The following TF variants were observed in gnomAD, a reference collection of about 807,000 sequenced individuals.
TF encodes the protein transferrin, also known as serotransferrin.
TF carries 55 observed loss-of-function variants against 82.4 expected under a neutral mutation model. The observed-to-expected ratio is 0.67, with a 90% CI of 0.54 to 0.84. TF has a LOEUF of 0.84. Among genes scored for constraint, TF ranks in the 40% least tolerant of loss-of-function variants. TF has a pLI of 0.00. For missense variants in TF, 737 were observed against 868.4 expected, an observed-to-expected ratio of 0.85 and a Z score of 1.90; for synonymous variants, 332 against 332.6, an observed-to-expected ratio of 1.00 and a Z score of 0.02.
In TF at chr3:133,756,327, G is replaced by C. The variant is rs370152575; in HGVS notation, c.681G>C (p.Ser227=). Residue 227 remains serine (S), a synonymous_variant, in exon 6 of 17, where the codon TCG becomes TCC. Transcript: ENST00000402696. Reference sequence around the variant, plus strand: ...GGGATGTGGCCTTTGTCAAGCACTCGACTATATTTGGTAAGAATGGGACAA... The same window carrying C: ...GGGATGTGGCCTTTGTCAAGCACTCCACTATATTTGGTAAGAATGGGACAA... ...GAGDVAFVKH[S]TIFENLANKA... 1.2e-6 allele frequency: 2 copies of C among 1,613,924 alleles called. No individual in the cohort carries two copies. Among genetic ancestry groups the C allele is most frequent in the African/African-American group, 2.7e-5 (2 of 74,900 alleles).
rs1934783448 is a variant in TF, at chr3:133,789,851, C to T, written c.*11231C>T. 4 of 146,798 alleles carry T rather than the reference C, an allele frequency of 2.7e-5. No homozygotes were observed. Among genetic ancestry groups the T allele is most frequent in the Non-Finnish European group, 5.9e-5 (4 of 67,376 alleles). The allele number at this position is 146,798 out of a possible 1,614,324, so 9.1% of individuals were successfully genotyped here. A position where few individuals can be genotyped will look rare whatever the true frequency, so the allele number is the denominator to read the frequency against. ...CATAGAAGGTTATAAAACTATAAAC[C>T]CAGCCAAAACAAAACGATCTCGTTT... is the stretch of plus-strand genomic sequence containing the variant. On this transcript the variant is annotated 3_prime_UTR_variant, in exon 17 of 17. Coordinates refer to ENST00000402696, the MANE Select transcript of TF (RefSeq NM_001063.4).
the TF span, among the ~76,000 whole-genome samples, chr3:133,666,990 C>T: frequency 2.0e-5 from 3 of 151,330 alleles, no homozygotes; most frequent in Non-Finnish European, 2.9e-5. Context: ...GAGCTGAGAT[C>T]GTGCCACTGC....
chr3:133,792,986 A>T lies in TF; in HGVS notation c.*14366A>T, dbSNP rs959241427. The stretch of plus-strand genomic sequence containing the variant: ...AAAAGGTTTATGAGAATCTCACCTT[A>T]TGGTCAAACGGATTAAGATTGGAAA... On this transcript the variant is annotated 3_prime_UTR_variant, in exon 17 of 17. Transcript: ENST00000402696. The T allele has an allele frequency of 6.6e-6, 1 of 152,202 alleles. No individual in the cohort carries two copies. The highest frequency in any genetic ancestry group is 1.5e-5 in the Non-Finnish European group (1 of 68,020). 9.4% of individuals were successfully genotyped at this position (152,202 alleles called of 1,614,324 possible).
the TF span, among the ~76,000 whole-genome samples, chr3:133,721,864 T>A: frequency 6.6e-6 from 1 of 152,136 alleles, no homozygotes; most frequent in Non-Finnish European, 1.5e-5. Flanking sequence ...TTGTCTCTTT[T>A]TATAGGTTGT....
chr3:133,772,650 TG>T (rs1934288781), intron 14 of TF: 1 of 152,224 alleles, frequency 6.6e-6, no homozygotes. Flanking sequence ...CTATACTCCC[TG>T]CCCATCAGGC....
At chr3:133,683,677 T>G in the TF span, among the ~76,000 whole-genome samples, 1 of 152,138 alleles carries the variant, frequency 6.6e-6, no homozygotes, top group South Asian at 2.1e-4. Flanking sequence ...ACACACCCAA[T>G]ACAGGAGCAC....
chr3:133,683,389 A>G, the TF span, among the ~76,000 whole-genome samples: 1 of 152,248 alleles, frequency 6.6e-6, no homozygotes. Context: ...AAATGCTCCA[A>G]TTAAAAGACA....
the TF span, among the ~76,000 whole-genome samples, chr3:133,695,845 C>G: frequency 6.6e-6 from 1 of 152,150 alleles, no homozygotes; most frequent in African/African-American, 2.4e-5. Flanking sequence ...TGGATCTGAT[C>G]ACTGAGAAGG....
In TF at chr3:133,754,601, C is replaced by T. The variant is rs41298987; in HGVS notation, c.432C>T (p.Ser144=). Residue 144 remains serine (S), a synonymous_variant, in exon 4 of 17, where the codon TCC becomes TCT. Coordinates refer to ENST00000402696, the MANE Select transcript of TF (RefSeq NM_001063.4). ...KKSCHTGLGR[S]AGWNIPIGLL... is the part of the protein sequence containing the mutation. ...CCTGCCACACGGGTCTAGGCAGGTCCGCTGGGTGGAACATCCCCATAGGCT... is the reference window on the plus strand; with the variant it reads ...CCTGCCACACGGGTCTAGGCAGGTCTGCTGGGTGGAACATCCCCATAGGCT... 3,149 of 1,614,178 alleles carry T rather than the reference C, an allele frequency of 2.0e-3. 57 individuals are homozygous for T. The African/African-American group carries it at 0.035, about 18-fold the overall frequency.
the TF span, among the ~76,000 whole-genome samples, chr3:133,739,151 A>G: frequency 6.6e-6 from 1 of 152,208 alleles, no homozygotes; most frequent in Non-Finnish European, 1.5e-5. Context: ...GGCCTCAAAA[A>G]ATAACGCCAC....
At chr3:133,740,575 C>T in the TF span, among the ~76,000 whole-genome samples, 12 of 152,138 alleles carry the variant, frequency 7.9e-5, no homozygotes, top group African/African-American at 2.7e-4. Flanking sequence ...AAGTGATCCT[C>T]CCGCCTTGGC....
intron 15 of TF, among the ~76,000 whole-genome samples, chr3:133,776,414 G>A (rs2107935077): frequency 6.6e-6 from 1 of 152,264 alleles, no homozygotes; most frequent in Middle Eastern, 3.4e-3. Flanking sequence ...ATAGCTGCCT[G>A]CTGTTGATTC....
At chr3:133,776,371 C>G (rs1012870244) in intron 15 of TF, among the ~76,000 whole-genome samples, 5 of 152,156 alleles carry the variant, frequency 3.3e-5, no homozygotes, top group Non-Finnish European at 7.4e-5. Context: ...CCTAAAGGCC[C>G]CTCCACACAC....
At position 133,791,675 on chromosome 3, in the gene TF, G is replaced by A. The variant is rs1934840613; in HGVS notation, c.*13055G>A. 3 of 152,168 alleles carry A rather than the reference G, an allele frequency of 2.0e-5. No individual in the cohort carries two copies. In the South Asian group the frequency reaches 6.2e-4, roughly 32 times the overall value. 9.4% of individuals were successfully genotyped at this position (152,168 alleles called of 1,614,324 possible). On this transcript the variant is annotated 3_prime_UTR_variant, in exon 17 of 17. Coordinates refer to ENST00000402696, the MANE Select transcript of TF (RefSeq NM_001063.4). ...TGTGTGCTTAGGACCCCATAGACCT[G>A]CTGTTCAAGACACACCAGCAGACTG... is the stretch of plus-strand genomic sequence containing the variant.
the TF span, chr3:133,694,177 C>T: frequency 6.5e-6 from 1 of 152,922 alleles, no homozygotes; most frequent in Non-Finnish European, 1.5e-5. Context: ...AGGTCCCAGC[C>T]AGCTCATGCC....
At chr3:133,695,398 C>A in the TF span, among the ~76,000 whole-genome samples, 1 of 152,104 alleles carries the variant, frequency 6.6e-6, no homozygotes, top group African/African-American at 2.4e-5. Flanking sequence ...CAGGCACATG[C>A]CACTACACCC....
At chr3:133,732,727 T>C in the TF span, among the ~76,000 whole-genome samples, 2 of 152,182 alleles carry the variant, frequency 1.3e-5, no homozygotes, top group Admixed American at 1.3e-4. Context: ...GAAGAAACTC[T>C]TGACACACCG....
chr3:133,744,677 A>T (rs566994847), upstream of TF, among the ~76,000 whole-genome samples: 16 of 152,292 alleles, frequency 1.1e-4, no homozygotes, highest in East Asian at 3.1e-3. Context: ...GGTGAGGCTG[A>T]TGTGTTGGGA....
At chr3:133,679,222 A>G in the TF span, among the ~76,000 whole-genome samples, 4 of 152,114 alleles carry the variant, frequency 2.6e-5, no homozygotes, top group African/African-American at 7.2e-5. Context: ...GAGTCTCACC[A>G]TCTTGCCCAG....
Sources: gnomAD v4.1 joint callset for allele counts (sites outside exome capture counted in the v4.1 genomes callset) on GRCh38, gnomAD v4.1.1 for gene constraint, MANE v1.5 for transcripts, NCBI Gene and HGNC (gene_info 2026-07-23, HGNC 2026-07-21) for gene names.